The following RIN3 variants were observed in gnomAD, a reference collection of about 807,000 sequenced individuals.
The protein encoded by RIN3 is RAB5 interacting protein 3.
RIN3 carries 54 observed loss-of-function variants against 76.3 expected under a neutral mutation model. The ratio of observed to expected loss-of-function variants is 0.71; its 90% confidence interval spans 0.57 to 0.89. RIN3 has a LOEUF of 0.89. Among genes scored for constraint, RIN3 ranks in the 40% least tolerant of loss-of-function variants. The pLI is 0.00. For missense variants in RIN3, 1,256 were observed against 1,322.1 expected (o/e 0.95, Z 0.78); for synonymous variants, 576 against 564.0 (o/e 1.02, Z -0.30).
chr14:92,604,773 G>A (rs1885464917), intron 3 of RIN3, among the ~76,000 whole-genome samples: 1 of 151,910 alleles, frequency 6.6e-6, no homozygotes, highest in Non-Finnish European at 1.5e-5. Context: ...AAGAGAATGA[G>A]CTGATTATTT....
chr14:92,522,341 T>C (rs55859212), intron 1 of RIN3, among the ~76,000 whole-genome samples: 24,387 of 152,064 alleles, frequency 0.16, 6,504 homozygotes, highest in African/African-American at 0.55. Flanking sequence ...TGTGTGTGCA[T>C]GTGCTATTGA....
chr14:92,529,247 T>A (rs906018007), intron 1 of RIN3, among the ~76,000 whole-genome samples: 1 of 151,930 alleles, frequency 6.6e-6, no homozygotes, highest in Non-Finnish European at 1.5e-5. Context: ...ATCAACCTTT[T>A]TTTTTCTTTT....
At chr14:92,565,745 C>T (rs1897899653) in intron 2 of RIN3, among the ~76,000 whole-genome samples, 1 of 152,138 alleles carries the variant, frequency 6.6e-6, no homozygotes, top group Non-Finnish European at 1.5e-5. Context: ...CTTTCATTGC[C>T]ATCTTGGTTT....
chr14:92,526,481 G>A (rs559349549), intron 1 of RIN3, among the ~76,000 whole-genome samples: 9 of 151,838 alleles, frequency 5.9e-5, no homozygotes, highest in South Asian at 4.2e-4. Flanking sequence ...TGGGCCGGGC[G>A]CAGTGGCTCA....
chr14:92,682,254 C>T (rs1299070284), intron 8 of RIN3, among the ~76,000 whole-genome samples: 1 of 152,160 alleles, frequency 6.6e-6, no homozygotes, highest in African/African-American at 2.4e-5. Flanking sequence ...ATCTTACCCA[C>T]CCCCGCCTCA....
At chr14:92,627,057 C>T (rs1006883273) in intron 4 of RIN3, among the ~76,000 whole-genome samples, 1 of 152,150 alleles carries the variant, frequency 6.6e-6, no homozygotes, top group African/African-American at 2.4e-5. Flanking sequence ...TTTTCTTGTG[C>T]CTATTCCTCT....
chr14:92,575,159 A>G (rs1898185573), intron 2 of RIN3, among the ~76,000 whole-genome samples: 1 of 152,182 alleles, frequency 6.6e-6, no homozygotes, highest in Admixed American at 6.5e-5. Flanking sequence ...ATTATATATA[A>G]CAACTATAGA....
intron 3 of RIN3, 80 bp downstream of exon 3, chr14:92,577,557 A>ACT (rs1898288677): frequency 1.2e-6 from 1 of 835,456 alleles, no homozygotes; most frequent in Admixed American, 1.8e-5. Flanking sequence ...CTAACCACAG[A>ACT]CTCCCCTGTA....
chr14:92,676,398 G>A, intron 7 of RIN3, 77 bp from the exon 8 acceptor site: 1 of 1,541,008 alleles, frequency 6.5e-7, no homozygotes, highest in Non-Finnish European at 8.9e-7. Context: ...GCAAACCACT[G>A]TCCCCTACCC....
At chr14:92,592,981 G>T (rs1036996616) in intron 3 of RIN3, among the ~76,000 whole-genome samples, 34 of 147,534 alleles carry the variant, frequency 2.3e-4, no homozygotes, top group African/African-American at 7.2e-4. Flanking sequence ...GCCAAAATTT[G>T]TTTTTTTTTT....
rs776255410 is a variant in RIN3, at chr14:92,659,189, A to G, written c.2055A>G (p.Lys685=). 59 of 1,614,074 alleles carry G rather than the reference A, an allele frequency of 3.7e-5. No homozygotes were observed. The highest frequency in any genetic ancestry group is 4.9e-5 in the Non-Finnish European group (58 of 1,180,028). Residue 685 remains lysine (K), a synonymous_variant, in exon 7 of 10, where the codon AAA becomes AAG. Transcript: ENST00000216487. ...LEAIVESALY[K]CVLKPLKEAI... ...CAATTGTAGAGTCTGCCTTGTACAA[A>G]TGTGTCCTGAAGCCCCTGAAGGAAG...
At chr14:92,637,790 G>A (rs889749223) in intron 4 of RIN3, among the ~76,000 whole-genome samples, 1 of 152,200 alleles carries the variant, frequency 6.6e-6, no homozygotes, top group Non-Finnish European at 1.5e-5. Flanking sequence ...AATGTAGTAA[G>A]TGGTTTGTGA....
chr14:92,674,083 T>C (rs1420136806), intron 7 of RIN3, among the ~76,000 whole-genome samples: 3 of 152,242 alleles, frequency 2.0e-5, no homozygotes, highest in Non-Finnish European at 4.4e-5. Flanking sequence ...CCTCAGGCTT[T>C]GCTATGGCTC....
Position 92,652,258 on chromosome 14 carries a change from G to T in RIN3, c.1209G>T (p.Gly403=). 6.2e-7 allele frequency: 1 copy of T among 1,611,208 alleles called. No individual in the cohort carries two copies. The highest frequency in any genetic ancestry group is 1.3e-5 in the African/African-American group (1 of 74,966). The change falls in exon 6 of 10, where the codon GGG becomes GGT. Residue 403 remains glycine (G), a synonymous_variant. Coordinates refer to ENST00000216487, the MANE Select transcript of RIN3 (RefSeq NM_024832.5). The surrounding 1 kb of genome is among the most constrained non-coding windows in gnomAD (Gnocchi z 6.4). ...ERVSLEDQSP[G]MAAEGDQLSL... Reference sequence around the variant, plus strand: ...TGTCCTTAGAAGACCAAAGTCCGGGGATGGCGGCAGAGGGGGACCAGCTCA... The same window carrying T: ...TGTCCTTAGAAGACCAAAGTCCGGGTATGGCGGCAGAGGGGGACCAGCTCA...
At position 92,645,840 on chromosome 14, in the gene RIN3, A is replaced by G. The variant is rs148659261; in HGVS notation, c.532+4511A>G. On this transcript the variant is annotated intron_variant, in intron 5 of 9. Coordinates refer to ENST00000216487, the MANE Select transcript of RIN3 (RefSeq NM_024832.5). ...GTGATGTCACATGCCTATAATCCCA[A>G]CCTCAGGAGGTTGAGGCAGGAGAAT... 3.9e-3 allele frequency among the ~76,000 whole-genome samples: 591 copies of G among 151,956 alleles called. 4 individuals are homozygous for G. Among genetic ancestry groups the G allele is most frequent in the African/African-American group, 0.014 (566 of 41,448 alleles).
intron 9 of RIN3, chr14:92,686,936 G>A (rs1055691612): frequency 6.6e-6 from 1 of 152,280 alleles, no homozygotes; most frequent in African/African-American, 2.4e-5. Flanking sequence ...GAAATGGGCG[G>A]TCCCCGTGAA....
chr14:92,613,897 G>A (rs150271006), intron 3 of RIN3, among the ~76,000 whole-genome samples: 1,546 of 152,344 alleles, frequency 0.01, 19 homozygotes, highest in South Asian at 0.019. Context: ...GGGCTCTCAC[G>A]TGCAGGGAGC....
intron 1 of RIN3, among the ~76,000 whole-genome samples, chr14:92,552,619 G>C (rs1424946622): frequency 6.6e-6 from 1 of 152,056 alleles, no homozygotes; most frequent in Non-Finnish European, 1.5e-5. Context: ...AGGAATTGCA[G>C]GCTTGGGAGT....
At chr14:92,646,605 A>G (rs1887209294) in intron 5 of RIN3, among the ~76,000 whole-genome samples, 1 of 152,030 alleles carries the variant, frequency 6.6e-6, no homozygotes, top group African/African-American at 2.4e-5. Flanking sequence ...ACGCCTGACT[A>G]ATTTTTGTAT....
Sources: allele counts gnomAD v4.1 joint callset (sites outside exome capture counted in the v4.1 genomes callset), GRCh38; gene constraint gnomAD v4.1.1; non-coding constraint Gnocchi (gnomAD v3.1); transcripts MANE v1.5; gene names NCBI Gene and HGNC (gene_info 2026-07-23, HGNC 2026-07-21).